PLD5: variants seen among roughly 807,000 people sequenced by gnomAD.
PLD5 encodes phospholipase D family member 5, also known as inactive phospholipase D5.
PLD5 carries 36 observed loss-of-function variants against 61.1 expected under a neutral mutation model. The observed-to-expected ratio is 0.59, with a 90% CI of 0.45 to 0.78. The LOEUF (loss-of-function observed/expected upper bound fraction) is 0.78, where lower values mean the gene tolerates loss of function less well. PLD5 is among the 30% of genes least tolerant of loss of function. The pLI is 0.00. For missense variants in PLD5, 515 were observed against 644.4 expected, an observed-to-expected ratio of 0.80 and a Z score of 2.17; for synonymous variants, 243 against 242.8, an observed-to-expected ratio of 1.00 and a Z score of -0.01.
intron 2 of PLD5, among the ~76,000 whole-genome samples, chr1:242,340,006 A>G (rs561159532): frequency 1.3e-3 from 198 of 152,348 alleles, no homozygotes; most frequent in Non-Finnish European, 2.6e-3. Context: ...AGAAAATTCC[A>G]GAAGAAATAG....
intron 1 of PLD5, among the ~76,000 whole-genome samples, chr1:242,467,042 T>C (rs1419955816): frequency 6.6e-6 from 1 of 152,160 alleles, no homozygotes; most frequent in Non-Finnish European, 1.5e-5. Flanking sequence ...TTGCACAGCA[T>C]AGTGACTATA....
rs371433773 is a variant in PLD5 at position 242,381,673 on chromosome 1, A to T, written c.190-33431T>A. The stretch of plus-strand genomic sequence containing the variant: ...AAAATTCTCTTCACTGATAGTAAGA[A>T]ACCTGGCTCCCAGTATATTTAATAT... On this transcript the variant is annotated intron_variant, in intron 1 of 9. Coordinates refer to ENST00000536534, the MANE Select transcript of PLD5 (RefSeq NM_001372062.1). Among the ~76,000 whole-genome samples, 5 of 152,314 alleles carry T rather than the reference A, an allele frequency of 3.3e-5. No individual in the cohort carries two copies. The East Asian group carries it at 7.7e-4, about 23-fold the overall frequency.
intron 4 of PLD5, among the ~76,000 whole-genome samples, chr1:242,247,224 C>A (rs371384341): frequency 6.6e-6 from 1 of 152,128 alleles, no homozygotes; most frequent in African/African-American, 2.4e-5. Context: ...CCTCGTGATC[C>A]GCCCGCCTCG....
intron 1 of PLD5, among the ~76,000 whole-genome samples, chr1:242,372,261 C>T (rs1042318107): frequency 1.3e-5 from 2 of 152,164 alleles, no homozygotes; most frequent in African/African-American, 4.8e-5. Flanking sequence ...GCTATTTCCA[C>T]ACACCAGCAG....
intron 5 of PLD5, among the ~76,000 whole-genome samples, chr1:242,188,315 G>A (rs1301112983): frequency 6.6e-6 from 1 of 152,154 alleles, no homozygotes; most frequent in East Asian, 1.9e-4. Flanking sequence ...GGGAAAGGGA[G>A]AAATTGCAGC....
chr1:242,526,496 C>T (rs903882109), upstream of PLD5, among the ~76,000 whole-genome samples: 2 of 152,096 alleles, frequency 1.3e-5, no homozygotes, highest in Admixed American at 1.3e-4. Flanking sequence ...AGTGCAGTGG[C>T]GCCATCTCGG....
intron 2 of PLD5, among the ~76,000 whole-genome samples, chr1:242,320,940 C>T (rs958440567): frequency 6.6e-6 from 1 of 152,144 alleles, no homozygotes; most frequent in Non-Finnish European, 1.5e-5. Flanking sequence ...AGGAAAAATT[C>T]CCTCTCATCA....
At chr1:242,461,018 G>T (rs144660998) in intron 1 of PLD5, among the ~76,000 whole-genome samples, 5 of 152,190 alleles carry the variant, frequency 3.3e-5, no homozygotes, top group African/African-American at 1.2e-4. Flanking sequence ...GCATGCACCT[G>T]TAGTCCCAGG....
chr1:242,434,627 T>G (rs1665896495), intron 1 of PLD5, among the ~76,000 whole-genome samples: 1 of 152,136 alleles, frequency 6.6e-6, no homozygotes, highest in East Asian at 1.9e-4. Context: ...ATTTATTTAT[T>G]TTTTGAGATG....
Position 242,085,820 on chromosome 1 carries a change from A to G in PLD5, c.*4034T>C, listed in dbSNP as rs2148631878. ...GCAGCGTTTTACATTCCTAAAGTTA[A>G]AAATAATGAAATGAATTTTGGACAC... On this transcript the variant is annotated 3_prime_UTR_variant, in exon 10 of 10. Coordinates refer to ENST00000536534, the MANE Select transcript of PLD5 (RefSeq NM_001372062.1). 1 of 152,318 alleles carries G rather than the reference A, an allele frequency of 6.6e-6. No individual in the cohort carries two copies. The highest frequency in any genetic ancestry group is 2.1e-4 in the South Asian group (1 of 4,826). 9.4% of individuals were successfully genotyped at this position (152,318 alleles called of 1,614,324 possible).
At chr1:242,497,094 C>G (rs1668395592) in intron 1 of PLD5, among the ~76,000 whole-genome samples, 1 of 152,314 alleles carries the variant, frequency 6.6e-6, no homozygotes, top group Admixed American at 6.5e-5. Context: ...TACGTCTTAA[C>G]TTTCATGTAA....
At chr1:242,141,680 T>C (rs1472254368) in intron 5 of PLD5, among the ~76,000 whole-genome samples, 1 of 152,180 alleles carries the variant, frequency 6.6e-6, no homozygotes, top group African/African-American at 2.4e-5. Flanking sequence ...AAGCTCTCAG[T>C]AGCAACATCT....
intron 5 of PLD5, among the ~76,000 whole-genome samples, chr1:242,208,230 G>A (rs1015717336): frequency 6.6e-6 from 1 of 151,688 alleles, no homozygotes; most frequent in Non-Finnish European, 1.5e-5. Flanking sequence ...CTGCACAGGT[G>A]AGCTCACCCC....
chr1:242,352,212 C>G (rs1345332192), intron 1 of PLD5, among the ~76,000 whole-genome samples: 2 of 152,170 alleles, frequency 1.3e-5, no homozygotes, highest in African/African-American at 4.8e-5. Context: ...CTCCTCATCC[C>G]CTCTACCCAC....
chr1:242,175,007 G>A (rs562266492), intron 5 of PLD5, among the ~76,000 whole-genome samples: 5 of 152,106 alleles, frequency 3.3e-5, no homozygotes, highest in Admixed American at 1.3e-4. Context: ...AAACCTGCAC[G>A]TTGTGCACAT....
intron 2 of PLD5, among the ~76,000 whole-genome samples, chr1:242,338,869 T>A (rs1659677085): frequency 6.6e-6 from 1 of 152,174 alleles, no homozygotes; most frequent in African/African-American, 2.4e-5. Context: ...TATTTAAATG[T>A]GTTTGGAGAC....
intron 1 of PLD5, among the ~76,000 whole-genome samples, chr1:242,391,084 A>G (rs1483379075): frequency 6.6e-6 from 1 of 152,074 alleles, no homozygotes; most frequent in Non-Finnish European, 1.5e-5. Flanking sequence ...AGTCCTAGCT[A>G]CTCGGGAGGC....
At chr1:242,182,340 G>A (rs1667572778) in intron 5 of PLD5, among the ~76,000 whole-genome samples, 2 of 150,544 alleles carry the variant, frequency 1.3e-5, no homozygotes, top group Admixed American at 6.7e-5. Flanking sequence ...TTTCTCCAGA[G>A]GCATTCGCCA....
chr1:242,236,552 A>C (rs1213157889), intron 4 of PLD5, among the ~76,000 whole-genome samples: 1 of 116,546 alleles, frequency 8.6e-6, no homozygotes, highest in Non-Finnish European at 2.1e-5. Flanking sequence ...TAAAAACAAC[A>C]AAAAAAAACT....
Sources: allele counts gnomAD v4.1 joint callset (sites outside exome capture counted in the v4.1 genomes callset), GRCh38; gene constraint gnomAD v4.1.1; transcripts MANE v1.5; gene names NCBI Gene and HGNC (gene_info 2026-07-23, HGNC 2026-07-21).